APPL2: variants seen among roughly 807,000 people sequenced by gnomAD.
APPL2 encodes DCC-interacting protein 13-beta.
APPL2 carries 84 observed loss-of-function variants against 92.7 expected under a neutral mutation model. That is an observed-to-expected ratio of 0.91 (90% CI 0.76 to 1.09). The LOEUF is 1.09. Among genes scored for constraint, APPL2 ranks in the 50% least tolerant of loss-of-function variants. The pLI, the probability that APPL2 is intolerant of heterozygous loss-of-function variation, is 0.00. For missense variants in APPL2, 736 were observed against 824.5 expected (o/e 0.89, Z 1.31); for synonymous variants, 291 against 291.0 (o/e 1.00, Z 0.00).
intron 8 of APPL2, chr12:105,206,834 A>G (rs746368073): frequency 6.4e-6 from 3 of 472,030 alleles, no homozygotes; most frequent in Non-Finnish European, 1.1e-5. Context: ...CTTGGGACCC[A>G]GGCCTCATTT....
At chr12:105,199,606 T>C in intron 9 of APPL2, 75 bp from the exon 10 acceptor site, 1 of 1,502,530 alleles carries the variant, frequency 6.7e-7, no homozygotes, top group Non-Finnish European at 9.0e-7. Context: ...CTGGCAGCCA[T>C]CACTCCACCC....
chr12:105,226,023 A>G (rs1890474019), intron 2 of APPL2, among the ~76,000 whole-genome samples: 3 of 152,366 alleles, frequency 2.0e-5, no homozygotes, highest in Middle Eastern at 3.4e-3. Context: ...TACAAAGGAA[A>G]TTATAAAACT....
intron 17 of APPL2, among the ~76,000 whole-genome samples, chr12:105,186,801 C>T (rs1008148925): frequency 6.6e-6 from 1 of 150,786 alleles, no homozygotes; most frequent in Non-Finnish European, 1.5e-5. Context: ...TATGGAGTGA[C>T]ATATCTCATT....
chr12:105,202,918 C>T (rs1197322241), intron 9 of APPL2, among the ~76,000 whole-genome samples: 1 of 152,106 alleles, frequency 6.6e-6, no homozygotes, highest in Non-Finnish European at 1.5e-5. Context: ...TGGTGAAATG[C>T]AACATCTTCA....
At position 105,174,289 on chromosome 12, in the gene APPL2, C is replaced by T; in HGVS notation, c.*25G>A. On this transcript the variant is annotated 3_prime_UTR_variant, in exon 21 of 21. Transcript: ENST00000258530. ...AGGAGGTAGCTCTCCTTCCTGTTTG[C>T]TCTTCCCCCACAGGCGCAAGTGAGT... 6.2e-7 allele frequency: 1 copy of T among 1,611,468 alleles called. No individual in the cohort carries two copies. Among genetic ancestry groups the T allele is most frequent in the Non-Finnish European group, 8.5e-7 (1 of 1,178,746 alleles).
chr12:105,183,070 C>CTTTTTTTTTTTT (rs56345779), intron 17 of APPL2, among the ~76,000 whole-genome samples: 4 of 88,404 alleles, frequency 4.5e-5, no homozygotes, highest in African/African-American at 1.4e-4. Flanking sequence ...GCAACCCCTG[C>CTTTTTTTTTTTT]TTTTTTTTTT....
Position 105,190,172 on chromosome 12 carries a change from T to A in APPL2, c.1242-17A>T, listed in dbSNP as rs780457933. 6 of 1,610,608 alleles carry A rather than the reference T, an allele frequency of 3.7e-6. No individual in the cohort carries two copies. Among genetic ancestry groups the A allele is most frequent in the Middle Eastern group, 1.7e-4 (1 of 6,052 alleles). On this transcript the variant is annotated splice_polypyrimidine_tract_variant and intron_variant, in intron 14 of 20. Transcript: ENST00000258530. Reference sequence around the variant, plus strand: ...AGGTTCTGGCTGAAGGGGAAAAAAATCAATTCCCTTAACCTTACGCTTTTA... The same window carrying A: ...AGGTTCTGGCTGAAGGGGAAAAAAAACAATTCCCTTAACCTTACGCTTTTA...
chr12:105,223,661 G>A (rs1890290606), intron 2 of APPL2, among the ~76,000 whole-genome samples: 1 of 152,216 alleles, frequency 6.6e-6, no homozygotes, highest in African/African-American at 2.4e-5. Context: ...TGTTTGGCGA[G>A]GAGCCAAAGA....
chr12:105,182,740 G>A (rs1286511304), intron 17 of APPL2, among the ~76,000 whole-genome samples: 1 of 152,180 alleles, frequency 6.6e-6, no homozygotes, highest in African/African-American at 2.4e-5. Context: ...TTGTTGATTT[G>A]GGATGGAGCA....
chr12:105,204,842 A>G (rs1396999859), intron 8 of APPL2, among the ~76,000 whole-genome samples: 1 of 152,164 alleles, frequency 6.6e-6, no homozygotes, highest in Non-Finnish European at 1.5e-5. Context: ...GGATGAACGG[A>G]AGGCAGGTAA....
At chr12:105,190,180 C>T in intron 14 of APPL2, 25 bp from the exon 15 acceptor site, 1 of 1,601,998 alleles carries the variant, frequency 6.2e-7, no homozygotes, top group Non-Finnish European at 8.5e-7. Flanking sequence ...AATCAATTCC[C>T]TTAACCTTAC....
chr12:105,175,928 G>C, intron 20 of APPL2, 107 bp downstream of exon 20: 1 of 1,106,672 alleles, frequency 9.0e-7, no homozygotes, highest in Non-Finnish European at 1.3e-6. Context: ...TCCCAAACTT[G>C]GCCACACTTT....
At chr12:105,190,212 C>T (rs1592771439) in intron 14 of APPL2, 57 bp from the exon 15 acceptor site, 2 of 1,549,326 alleles carry the variant, frequency 1.3e-6, no homozygotes, top group East Asian at 4.5e-5. Flanking sequence ...CAAGTGAATA[C>T]TTGTTGAAGG....
rs1888796192 is a variant in APPL2, at chr12:105,207,226, GAAAACTTCAAGT to G, written c.475-31_475-20del. 1.2e-6 allele frequency: 2 copies of G among 1,606,810 alleles called. No individual in the cohort carries two copies. The highest frequency in any genetic ancestry group is 1.7e-6 in the Non-Finnish European group (2 of 1,177,600). ...TCTTCACCTGGTTAAAAGGTGAAAG[GAAAACTTCAAGT>G]TGTCTACTGTACGTGACAATTCTGT... On this transcript the variant is annotated intron_variant, in intron 7 of 20. Transcript: ENST00000258530.
At chr12:105,233,476 T>C (rs1178147886) in intron 1 of APPL2, 17 of 854,840 alleles carry the variant, frequency 2.0e-5, no homozygotes, top group Non-Finnish European at 2.3e-5. Flanking sequence ...TTAACTGCTA[T>C]TCAGCTCTTC....
In APPL2 at chr12:105,235,038, C is replaced by T. The variant is rs968716043; in HGVS notation, c.54+921G>A. 9.2e-5 allele frequency among the ~76,000 whole-genome samples: 14 copies of T among 152,212 alleles called. 2 individuals carry two copies. The highest frequency in any genetic ancestry group is 1.3e-4 in the Admixed American group (2 of 15,294). The stretch of plus-strand genomic sequence containing the variant: ...TCACTTAGAAGAAAAAGGGAAGGAA[C>T]CCCAAAAGAGAGGGGAAAGTGTGAA... On this transcript the variant is annotated intron_variant, in intron 1 of 20. Coordinates refer to ENST00000258530, the MANE Select transcript of APPL2 (RefSeq NM_018171.5).
chr12:105,220,944 A>G (rs1890052542), intron 2 of APPL2, among the ~76,000 whole-genome samples: 2 of 152,234 alleles, frequency 1.3e-5, no homozygotes, highest in South Asian at 4.1e-4. Context: ...CCTATGTGTA[A>G]TATTTCAGGG....
chr12:105,216,857 C>CAT (rs746002166), intron 4 of APPL2, among the ~76,000 whole-genome samples: 1 of 152,190 alleles, frequency 6.6e-6, no homozygotes, highest in Non-Finnish European at 1.5e-5. Context: ...GTCTATTCTT[C>CAT]ATATATATCG....
chr12:105,182,760 T>C (rs1886233432), intron 17 of APPL2, among the ~76,000 whole-genome samples: 1 of 152,224 alleles, frequency 6.6e-6, no homozygotes, highest in Admixed American at 6.5e-5. Context: ...ATTCTGTAGA[T>C]GTGTGTTAGT....
Sources: allele counts gnomAD v4.1 joint callset (sites outside exome capture counted in the v4.1 genomes callset), GRCh38; gene constraint gnomAD v4.1.1; transcripts MANE v1.5; gene names NCBI Gene and HGNC (gene_info 2026-07-23, HGNC 2026-07-21).